The following GLI2 variants were observed in gnomAD, a reference collection of about 807,000 sequenced individuals.
The protein encoded by GLI2 is transcription activator GLI2.
Under a neutral mutation model 78.9 loss-of-function variants are expected in GLI2, and 22 were observed. The ratio of observed to expected loss-of-function variants is 0.28; its 90% confidence interval spans 0.20 to 0.40. GLI2 has a LOEUF of 0.40. Among genes scored for constraint, GLI2 ranks in the 10% least tolerant of loss-of-function variants. The pLI, the probability that GLI2 is intolerant of heterozygous loss-of-function variation, is 1.00. For synonymous variants in GLI2, 974 were observed against 963.7 expected, an observed-to-expected ratio of 1.01 and a Z score of -0.20; for missense variants, 2,097 against 2,213.2, an observed-to-expected ratio of 0.95 and a Z score of 1.05.
chr2:120,810,956 GT>G (rs1685209473), intron 2 of GLI2, among the ~76,000 whole-genome samples: 1 of 152,228 alleles, frequency 6.6e-6, no homozygotes, highest in South Asian at 2.1e-4. Context: ...AGATGGAGGA[GT>G]GTCTCATTCC....
chr2:120,864,012 G>A (rs1184958530), intron 2 of GLI2, among the ~76,000 whole-genome samples: 2 of 152,224 alleles, frequency 1.3e-5, no homozygotes, highest in African/African-American at 4.8e-5. Flanking sequence ...GGCTGGAGAA[G>A]TAGACAAATT....
chr2:120,791,100 C>T (rs1352404350), intron 1 of GLI2, among the ~76,000 whole-genome samples: 2 of 152,154 alleles, frequency 1.3e-5, no homozygotes, highest in Admixed American at 1.3e-4. Flanking sequence ...CTATGCTGGT[C>T]CAGGCACACA....
intron 2 of GLI2, among the ~76,000 whole-genome samples, chr2:120,813,420 A>G (rs1345611818): frequency 6.6e-6 from 1 of 152,224 alleles, no homozygotes; most frequent in Admixed American, 6.5e-5. Context: ...TCCTCATCCC[A>G]GAATGGCCCA....
In GLI2 at chr2:120,984,496, G is replaced by C. The variant is rs765365609; in HGVS notation, c.1658G>C (p.Gly553Ala). ...NEKPYICKIP[G>A]CTKRYTDPSS... Reference sequence around the variant, plus strand: ...AAACCCTACATCTGCAAGATCCCAGGCTGCACCAAGAGATACACAGACCCC... The same window carrying C: ...AAACCCTACATCTGCAAGATCCCAGCCTGCACCAAGAGATACACAGACCCC... The change falls in exon 12 of 14, where the codon GGC becomes GCC. Residue 553 changes from glycine (G) to alanine (A), a missense_variant. Coordinates refer to ENST00000361492, the MANE Select transcript of GLI2 (RefSeq NM_001374353.1). 15 of 1,614,044 alleles carry C rather than the reference G, an allele frequency of 9.3e-6. No homozygotes were observed. In the Middle Eastern group the frequency reaches 4.9e-4, roughly 53 times the overall value.
rs1410337412 is a variant in GLI2, at chr2:120,989,035, G to T, written c.3070G>T (p.Ala1024Ser). Residue 1024 changes from alanine to serine, a missense_variant, in exon 14 of 14, where the codon GCG (alanine) becomes TCG (serine). By Grantham distance (99) the Ala-to-Ser change is moderately conservative. Around this residue, in one of 5 missense-constraint regions of GLI2, gnomAD observed 1,290 missense variants for 1,261.7 expected, o/e 1.02. Coordinates refer to ENST00000361492, the MANE Select transcript of GLI2 (RefSeq NM_001374353.1). Reference protein sequence around the residue: ...ISENVAMEAVAAGVDGAGPEA... With the variant: ...ISENVAMEAVSAGVDGAGPEA... ...CGAGAACGTGGCGATGGAGGCCGTG[G>T]CGGCAGGAGTGGACGGCGCGGGGCC... is the stretch of plus-strand genomic sequence containing the variant. 6.2e-7 allele frequency: 1 copy of T among 1,605,398 alleles called. No individual in the cohort carries two copies. The highest frequency in any genetic ancestry group is 1.7e-4 in the Middle Eastern group (1 of 6,052).
chr2:120,792,887 C>G (rs1684215792), intron 1 of GLI2, among the ~76,000 whole-genome samples: 2 of 152,182 alleles, frequency 1.3e-5, no homozygotes, highest in Admixed American at 6.5e-5. Context: ...TCCCAAAGTG[C>G]TGGGATTACA....
At position 120,990,367 on chromosome 2, in the gene GLI2, C is replaced by G. The variant is rs145958673; in HGVS notation, c.4402C>G (p.Pro1468Ala). Reference sequence around the variant, plus strand: ...ACAGGCCTGTCAGGACAGCATCCAGCCCCAGCCCTTGCCCTCACCAGGGGT... The same window carrying G: ...ACAGGCCTGTCAGGACAGCATCCAGGCCCAGCCCTTGCCCTCACCAGGGGT... ...QPQACQDSIQPQPLPSPGVNQ... is the reference protein window; with the variant it reads ...QPQACQDSIQAQPLPSPGVNQ... Residue 1468 changes from proline to alanine, a missense_variant, in exon 14 of 14, where the codon CCC becomes GCC. Around this residue, in one of 5 missense-constraint regions of GLI2, gnomAD observed 1,290 missense variants for 1,261.7 expected, o/e 1.02. Transcript: ENST00000361492. 26 of 1,613,952 alleles carry G rather than the reference C, an allele frequency of 1.6e-5. No individual in the cohort carries two copies. In the African/African-American group the frequency reaches 2.7e-4, roughly 17 times the overall value.
At chr2:120,740,044 G>A (rs1274572102) in intron 1 of GLI2, among the ~76,000 whole-genome samples, 1 of 151,912 alleles carries the variant, frequency 6.6e-6, no homozygotes, top group African/African-American at 2.4e-5. Context: ...ACACAACACC[G>A]GATTCAACAT....
intron 1 of GLI2, among the ~76,000 whole-genome samples, chr2:120,784,900 C>T (rs897322753): frequency 6.6e-6 from 1 of 152,190 alleles, no homozygotes; most frequent in African/African-American, 2.4e-5. Flanking sequence ...TCTCCCCACC[C>T]CACACCTGGA....
intron 1 of GLI2, among the ~76,000 whole-genome samples, chr2:120,768,824 T>C (rs1248597441): frequency 6.6e-6 from 1 of 151,270 alleles, no homozygotes. Context: ...TGTGTGTGTG[T>C]GTGTGCGTGT....
intron 2 of GLI2, among the ~76,000 whole-genome samples, chr2:120,845,467 G>A (rs890661003): frequency 2.0e-5 from 3 of 152,194 alleles, no homozygotes; most frequent in African/African-American, 7.2e-5. Context: ...GCCCACGTGG[G>A]CCTGGACTTT....
intron 2 of GLI2, among the ~76,000 whole-genome samples, chr2:120,899,030 G>A (rs777741495): frequency 2.4e-4 from 36 of 152,140 alleles, no homozygotes; most frequent in Admixed American, 1.8e-3. Context: ...TACTCCCTCC[G>A]GGAGGGCCTG....
intron 11 of GLI2, among the ~76,000 whole-genome samples, chr2:120,983,223 G>A (rs572470786): frequency 2.0e-5 from 3 of 152,208 alleles, no homozygotes; most frequent in Admixed American, 1.3e-4. Context: ...CAGGGAAGTG[G>A]CCCTTCTGAT....
At chr2:120,789,440 G>C (rs1349418842) in intron 1 of GLI2, among the ~76,000 whole-genome samples, 1 of 151,744 alleles carries the variant, frequency 6.6e-6, no homozygotes, top group African/African-American at 2.4e-5. Context: ...TCTTCCCTTT[G>C]TGCTCTCCGG....
chr2:120,921,684 C>T (rs918171670), intron 2 of GLI2, among the ~76,000 whole-genome samples: 1 of 152,152 alleles, frequency 6.6e-6, no homozygotes. Context: ...TGCCCCACAG[C>T]ACTGGACCCT....
At chr2:120,912,776 G>A (rs183514477) in intron 2 of GLI2, among the ~76,000 whole-genome samples, 63 of 152,174 alleles carry the variant, frequency 4.1e-4, no homozygotes, top group Admixed American at 9.2e-4. Flanking sequence ...ACCCACTCCC[G>A]TGTCTGGGAA....
chr2:120,741,890 C>A (rs1315613470), intron 1 of GLI2, among the ~76,000 whole-genome samples: 1 of 152,154 alleles, frequency 6.6e-6, no homozygotes, highest in African/African-American at 2.4e-5. Context: ...CGTGGCGAGT[C>A]GGGAAGAAAG....
intron 5 of GLI2, among the ~76,000 whole-genome samples, chr2:120,958,957 G>A (rs981944570): frequency 5.8e-4 from 88 of 152,246 alleles, no homozygotes; most frequent in African/African-American, 1.9e-3. Context: ...GGGTGAGTGA[G>A]TGAATGAGTG....
intron 3 of GLI2, among the ~76,000 whole-genome samples, chr2:120,933,881 GC>G (rs1558894167): frequency 6.9e-6 from 1 of 145,706 alleles, no homozygotes; most frequent in Non-Finnish European, 1.5e-5. Context: ...GCCCTGCCCT[GC>G]CCTGCCCTGG....
Sources: gnomAD v4.1 joint callset for allele counts (sites outside exome capture counted in the v4.1 genomes callset) on GRCh38, gnomAD v4.1.1 for gene constraint, gnomAD v4.1.1 regional missense constraint, MANE v1.5 for transcripts, NCBI Gene and HGNC (gene_info 2026-07-23, HGNC 2026-07-21) for gene names.